AFG1L: variants seen among roughly 807,000 people sequenced by gnomAD.
AFG1L encodes the protein AFG1-like ATPase.
Under a neutral mutation model 62.2 loss-of-function variants are expected in AFG1L, and 53 were observed. The observed-to-expected ratio is 0.85, with a 90% CI of 0.68 to 1.07. The LOEUF (loss-of-function observed/expected upper bound fraction) is 1.07, where lower values mean the gene tolerates loss of function less well. Among genes scored for constraint, AFG1L ranks in the 50% least tolerant of loss-of-function variants. The probability of loss-of-function intolerance (pLI) is 0.00; values close to 1 mark genes in which losing one functional copy is unlikely to be tolerated. For synonymous variants in AFG1L, 228 were observed against 210.3 expected (o/e 1.08, Z -0.73); for missense variants, 555 against 590.5 (o/e 0.94, Z 0.62).
At chr6:108,399,673 CTTTTTTTTTT>C (rs1215452077) in intron 6 of AFG1L, among the ~76,000 whole-genome samples, 2 of 84,862 alleles carry the variant, frequency 2.4e-5, no homozygotes, top group South Asian at 3.5e-4. Flanking sequence ...AATAGTTTTC[CTTTTTTTTTT>C]TTTTTTTTTA....
At chr6:108,471,616 T>A (rs1388478431) in intron 8 of AFG1L, among the ~76,000 whole-genome samples, 2 of 151,740 alleles carry the variant, frequency 1.3e-5, no homozygotes, top group Non-Finnish European at 2.9e-5. Context: ...CCCGCCACCA[T>A]GCCCTGTTAA....
chr6:108,381,037 C>T (rs1233345828), intron 6 of AFG1L, among the ~76,000 whole-genome samples: 1 of 152,214 alleles, frequency 6.6e-6, no homozygotes, highest in African/African-American at 2.4e-5. Context: ...TATATACTAT[C>T]TTGCTATTTC....
At chr6:108,413,675 A>T (rs1274355238) in intron 7 of AFG1L, among the ~76,000 whole-genome samples, 1 of 152,246 alleles carries the variant, frequency 6.6e-6, no homozygotes, top group Non-Finnish European at 1.5e-5. Context: ...ACTACTGGGT[A>T]CATAACAAAA....
chr6:108,390,676 C>A (rs532466130), intron 6 of AFG1L, among the ~76,000 whole-genome samples: 2 of 152,344 alleles, frequency 1.3e-5, no homozygotes, highest in South Asian at 4.1e-4. Flanking sequence ...AGGCTGCAAA[C>A]AGCGAATATT....
At chr6:108,325,431 GT>G (rs1777999676) in intron 2 of AFG1L, among the ~76,000 whole-genome samples, 2 of 118,420 alleles carry the variant, frequency 1.7e-5, no homozygotes, top group African/African-American at 6.4e-5. Flanking sequence ...TTTTAGGGCT[GT>G]TTTGCCTTTT....
chr6:108,506,675 C>T (rs567180446), intron 10 of AFG1L, among the ~76,000 whole-genome samples: 1 of 152,302 alleles, frequency 6.6e-6, no homozygotes, highest in East Asian at 1.9e-4. Context: ...GCCTGGCTTC[C>T]TTCCATATTC....
chr6:108,511,008 T>C (rs1774623907), intron 11 of AFG1L, among the ~76,000 whole-genome samples: 1 of 150,098 alleles, frequency 6.7e-6, no homozygotes. Flanking sequence ...GCCCAGGAGT[T>C]CAAGGTTACA....
chr6:108,401,995 G>T lies in AFG1L; in HGVS notation c.749-1G>T. 7.0e-7 allele frequency: 1 copy of T among 1,421,988 alleles called. No homozygotes were observed. Among genetic ancestry groups the T allele is most frequent in the South Asian group, 1.3e-5 (1 of 75,198 alleles). 88.1% of individuals were successfully genotyped at this position (1,421,988 alleles called of 1,614,324 possible). A position where few individuals can be genotyped will look rare whatever the true frequency, so the allele number is the denominator to read the frequency against. ...AAACTAATATCATTTTTTTCTTTCAGATCTCTATAAAAATGGACTCCAAAG... is the reference window on the plus strand; with the variant it reads ...AAACTAATATCATTTTTTTCTTTCATATCTCTATAAAAATGGACTCCAAAG... On this transcript the variant is annotated splice_acceptor_variant, in intron 6 of 12. Transcript: ENST00000368977. LOFTEE classifies it high-confidence loss of function.
rs1414620475 is a variant in AFG1L at position 108,402,040 on chromosome 6, A to G, written c.793A>G (p.Ile265Val). 1.3e-6 allele frequency: 2 copies of G among 1,511,364 alleles called. No homozygotes were observed. The highest frequency in any genetic ancestry group is 8.9e-7 in the Non-Finnish European group (1 of 1,122,284). The allele number at this position is 1,511,364 out of a possible 1,614,324, so 93.6% of individuals were successfully genotyped here. A position where few individuals can be genotyped will look rare whatever the true frequency, so the allele number is the denominator to read the frequency against. The change falls in exon 7 of 13, where the codon ATA becomes GTA. Residue 265 changes from isoleucine (I) to valine (V), a missense_variant. Coordinates refer to ENST00000368977, the MANE Select transcript of AFG1L (RefSeq NM_145315.5). ...CCAAAGAGCTAACTTTGTACCATTC[A>G]TAGCAGTCTTGAAGGTAAAAACAAA... ...GLQRANFVPF[I>V]AVLKEYCNTV...
chr6:108,460,261 AAG>A (rs890168755), intron 8 of AFG1L, among the ~76,000 whole-genome samples: 59 of 150,246 alleles, frequency 3.9e-4, no homozygotes, highest in Admixed American at 1.5e-3. Flanking sequence ...AAATAAGAAA[AAG>A]AGAGAGAGAT....
At chr6:108,424,942 A>G (rs1165217380) in intron 7 of AFG1L, among the ~76,000 whole-genome samples, 1 of 152,104 alleles carries the variant, frequency 6.6e-6, no homozygotes, top group Non-Finnish European at 1.5e-5. Flanking sequence ...CATGCTTATG[A>G]TACTGGAATG....
intron 7 of AFG1L, among the ~76,000 whole-genome samples, chr6:108,431,131 C>G (rs769930298): frequency 2.7e-5 from 4 of 150,654 alleles, no homozygotes; most frequent in Non-Finnish European, 5.9e-5. Context: ...GAGGCGAAGT[C>G]TTGCTCATGT....
chr6:108,337,663 A>G (rs1036919824), intron 2 of AFG1L, among the ~76,000 whole-genome samples: 1 of 152,360 alleles, frequency 6.6e-6, no homozygotes, highest in Non-Finnish European at 1.5e-5. Context: ...TTAGTTCTCA[A>G]ATACGACCCT....
intron 6 of AFG1L, among the ~76,000 whole-genome samples, chr6:108,397,122 A>G (rs1035002964): frequency 2.0e-5 from 3 of 151,736 alleles, no homozygotes; most frequent in Admixed American, 6.6e-5. Context: ...TCTGCCTCCC[A>G]GGTTCAAGCA....
intron 1 of AFG1L, among the ~76,000 whole-genome samples, chr6:108,313,133 A>G (rs1777474473): frequency 6.6e-6 from 1 of 152,140 alleles, no homozygotes. Flanking sequence ...ATGGAGAACA[A>G]CGTTATCATG....
intron 7 of AFG1L, among the ~76,000 whole-genome samples, chr6:108,419,670 A>G (rs1219795786): frequency 6.6e-6 from 1 of 152,154 alleles, no homozygotes; most frequent in African/African-American, 2.4e-5. Flanking sequence ...TTTAATGTTC[A>G]GGTAATGACA....
At chr6:108,430,235 G>A (rs1771011074) in intron 7 of AFG1L, among the ~76,000 whole-genome samples, 1 of 152,134 alleles carries the variant, frequency 6.6e-6, no homozygotes, top group Non-Finnish European at 1.5e-5. Flanking sequence ...GTGAGCCACT[G>A]TGCCCAGTCA....
intron 2 of AFG1L, among the ~76,000 whole-genome samples, chr6:108,334,968 C>T: frequency 6.6e-6 from 1 of 151,920 alleles, no homozygotes; most frequent in Non-Finnish European, 1.5e-5. Context: ...TGACCACATG[C>T]TCCTCTGGTA....
chr6:108,440,055 C>G (rs986418384), intron 7 of AFG1L, among the ~76,000 whole-genome samples: 1 of 152,088 alleles, frequency 6.6e-6, no homozygotes, highest in Non-Finnish European at 1.5e-5. Context: ...ATAGGAAAAA[C>G]TTATATAAGC....
Sources: gnomAD v4.1 joint callset for allele counts (sites outside exome capture counted in the v4.1 genomes callset) on GRCh38, gnomAD v4.1.1 for gene constraint, MANE v1.5 for transcripts, NCBI Gene and HGNC (gene_info 2026-07-23, HGNC 2026-07-21) for gene names.